HNRNPD: variants seen among roughly 807,000 people sequenced by gnomAD.
HNRNPD encodes the protein heterogeneous nuclear ribonucleoprotein D.
A neutral mutation model predicts 47.9 loss-of-function variants in HNRNPD; 3 were observed. That is an observed-to-expected ratio of 0.06 (90% CI 0.03 to 0.16). The LOEUF (loss-of-function observed/expected upper bound fraction) is 0.16, where lower values mean the gene tolerates loss of function less well. HNRNPD is among the 10% of genes least tolerant of loss of function. The pLI is 1.00. For missense variants in HNRNPD, 287 were observed against 454.2 expected, an observed-to-expected ratio of 0.63 and a Z score of 3.35; for synonymous variants, 171 against 165.1, an observed-to-expected ratio of 1.04 and a Z score of -0.28.
At chr4:82,363,287 G>T (rs1281526487) in intron 2 of HNRNPD, among the ~76,000 whole-genome samples, 3 of 151,734 alleles carry the variant, frequency 2.0e-5, no homozygotes, top group African/African-American at 4.8e-5. Flanking sequence ...CACCATATTG[G>T]TCAGGCTGGT....
Position 82,373,545 on chromosome 4 carries a change from G to C in HNRNPD, c.134C>G (p.Ala45Gly). 3 of 1,539,154 alleles carry C rather than the reference G, an allele frequency of 1.9e-6. No individual in the cohort carries two copies. The highest frequency in any genetic ancestry group is 2.5e-5 in the East Asian group (1 of 39,434). The change falls in exon 1 of 9, where the codon GCC becomes GGC. Residue 45 changes from alanine to glycine, a missense_variant. By Grantham distance (60) the Ala-to-Gly change is moderately conservative. Around this residue, in one of 5 missense-constraint regions of HNRNPD, gnomAD observed 161 missense variants for 137.1 expected, o/e 1.17. Transcript: ENST00000313899. Reference sequence around the variant, plus strand: ...AGACGCGGTTCCGCCCCCGGTCCCGGCTCCGCTTCCCGCCGCCGCCGCTGC... The same window carrying C: ...AGACGCGGTTCCGCCCCCGGTCCCGCCTCCGCTTCCCGCCGCCGCCGCTGC... ...QGAAAAAGSG[A>G]GTGGGTASGG...
At chr4:82,371,637 T>C (rs1321586703) in intron 1 of HNRNPD, 53 bp from the exon 2 acceptor site, 16 of 1,463,878 alleles carry the variant, frequency 1.1e-5, no homozygotes, top group Non-Finnish European at 9.5e-7. Flanking sequence ...GTTTTAGTTT[T>C]TGACACTGTT....
At chr4:82,355,478 A>C in intron 7 of HNRNPD, 77 bp from the exon 8 acceptor site, 1 of 1,019,026 alleles carries the variant, frequency 9.8e-7, no homozygotes, top group East Asian at 2.4e-5. Context: ...AATTTTAAAC[A>C]ATCTCAAAAA....
At position 82,353,440 on chromosome 4, in the gene HNRNPD, ATT is replaced by A. The variant is rs1179185716; in HGVS notation, c.*743_*744del. ...GCCGCATTTCTATTATAATTAACAG[ATT>A]TTAAGTCCTTTTTATTTAATGGAAG... On this transcript the variant is annotated 3_prime_UTR_variant, in exon 9 of 9. Coordinates refer to ENST00000313899, the MANE Select transcript of HNRNPD (RefSeq NM_031370.3). The A allele has an allele frequency of 1.3e-5, 2 of 152,444 alleles. No homozygotes were observed. The highest frequency in any genetic ancestry group is 2.4e-5 in the African/African-American group (1 of 41,446). The allele number at this position is 152,444 out of a possible 1,614,324, so 9.4% of individuals were successfully genotyped here.
chr4:82,357,541 T>A, intron 4 of HNRNPD, 97 bp from the exon 5 acceptor site: 1 of 1,031,856 alleles, frequency 9.7e-7, no homozygotes. Flanking sequence ...AAAGAAAACA[T>A]GTATTTGGCA....
At chr4:82,365,771 ATTTTTTTTT>A (rs80051188) in intron 2 of HNRNPD, among the ~76,000 whole-genome samples, 1 of 106,256 alleles carries the variant, frequency 9.4e-6, no homozygotes, top group African/African-American at 4.3e-5. Flanking sequence ...GGCCCAGCTA[ATTTTTTTTT>A]TTTTTTTTTT....
In HNRNPD at chr4:82,373,710, C is replaced by T; in HGVS notation, c.-32G>A. ...AGTGTCTCCGCCGCTGCCGCCGAGA[C>T]TACACCCGCCGCTGCCGCGAACCGA... On this transcript the variant is annotated 5_prime_UTR_variant, in exon 1 of 9. Coordinates refer to ENST00000313899, the MANE Select transcript of HNRNPD (RefSeq NM_031370.3). 1 of 1,526,562 alleles carries T rather than the reference C, an allele frequency of 6.6e-7. No homozygotes were observed. The highest frequency in any genetic ancestry group is 8.7e-7 in the Non-Finnish European group (1 of 1,143,938). The allele number at this position is 1,526,562 out of a possible 1,614,324, so 94.6% of individuals were successfully genotyped here.
At chr4:82,373,133 G>GA (rs1482034195) in intron 1 of HNRNPD, 8 of 597,280 alleles carry the variant, frequency 1.3e-5, no homozygotes, top group African/African-American at 1.8e-5. Flanking sequence ...CGACAGGCGG[G>GA]AAAAAATCCT....
chr4:82,373,484 C>A lies in HNRNPD; in HGVS notation c.195G>T (p.Gly65=). ...CGTTCTTACTGGCGTCAATCTTCGC[C>A]CCCTCCGACTCGGCGCTGCCCCCTT... ...GTEGGSAESE[G]AKIDASKNEE... is the part of the protein sequence containing the mutation. The change falls in exon 1 of 9, where the codon GGG becomes GGT. Residue 65 remains glycine (G), a synonymous_variant. Transcript: ENST00000313899. 6.4e-7 allele frequency: 1 copy of A among 1,556,580 alleles called. No individual in the cohort carries two copies. Among genetic ancestry groups the A allele is most frequent in the South Asian group, 1.2e-5 (1 of 84,650 alleles).
At chr4:82,369,370 G>A (rs1719917915) in intron 2 of HNRNPD, among the ~76,000 whole-genome samples, 1 of 152,176 alleles carries the variant, frequency 6.6e-6, no homozygotes, top group Non-Finnish European at 1.5e-5. Context: ...AAGTCCCATA[G>A]TAAACTGTAG....
At chr4:82,371,396 G>C in intron 2 of HNRNPD, 132 bp downstream of exon 2, 1 of 614,072 alleles carries the variant, frequency 1.6e-6, no homozygotes, top group Non-Finnish European at 2.8e-6. Flanking sequence ...ATATATCCCA[G>C]GTACAAACCT....
At chr4:82,363,350 G>A (rs546530030) in intron 2 of HNRNPD, among the ~76,000 whole-genome samples, 28 of 152,172 alleles carry the variant, frequency 1.8e-4, no homozygotes, top group African/African-American at 4.6e-4. Context: ...AATTAGAGGC[G>A]CGAGCCACCA....
intron 2 of HNRNPD, among the ~76,000 whole-genome samples, chr4:82,370,981 T>TATATACACACACACAC (rs142474751): frequency 6.7e-6 from 1 of 149,354 alleles, no homozygotes; most frequent in Non-Finnish European, 1.5e-5. Flanking sequence ...GGTATATATA[T>TATATACACACACACAC]ACACACACAC....
intron 8 of HNRNPD, chr4:82,354,975 G>A (rs770715499): frequency 1.3e-5 from 4 of 308,704 alleles, no homozygotes; most frequent in East Asian, 1.8e-4. Flanking sequence ...AAGTCAGCGC[G>A]ACACAGGGCC....
At chr4:82,363,269 T>C (rs1135946) in intron 2 of HNRNPD, among the ~76,000 whole-genome samples, 48,708 of 151,384 alleles carry the variant, frequency 0.32, 9,405 homozygotes, top group African/African-American at 0.55. Context: ...TTAGTAGAGA[T>C]GGGGTTTCAC....
chr4:82,356,481 A>C, intron 7 of HNRNPD, 56 bp downstream of exon 7: 2 of 1,439,620 alleles, frequency 1.4e-6, no homozygotes, highest in Non-Finnish European at 1.9e-6. Context: ...CTGCCTATCC[A>C]AATTTGTACA....
At chr4:82,373,374 C>G in intron 1 of HNRNPD, 72 bp downstream of exon 1, 2 of 1,487,188 alleles carry the variant, frequency 1.3e-6, no homozygotes, top group East Asian at 2.6e-5. Context: ...GGAACCAGGC[C>G]TAATGGCGGG....
chr4:82,354,478 C>A (rs1723635188), intron 8 of HNRNPD: 1 of 152,574 alleles, frequency 6.6e-6, no homozygotes, highest in Non-Finnish European at 1.5e-5. Context: ...AATATTTAAG[C>A]TTATTTTATT....
chr4:82,370,928 G>A (rs1376459151), intron 2 of HNRNPD, among the ~76,000 whole-genome samples: 1 of 151,386 alleles, frequency 6.6e-6, no homozygotes, highest in Non-Finnish European at 1.5e-5. Context: ...TAAAAAATCT[G>A]GTAAGAGCTG....
Sources: gnomAD v4.1 joint callset for allele counts (sites outside exome capture counted in the v4.1 genomes callset) on GRCh38, gnomAD v4.1.1 for gene constraint, gnomAD v4.1.1 regional missense constraint, MANE v1.5 for transcripts, NCBI Gene and HGNC (gene_info 2026-07-23, HGNC 2026-07-21) for gene names.